ZNF138: variants seen among roughly 807,000 people sequenced by gnomAD.
The protein encoded by ZNF138 is zinc finger protein 138, also known as zinc finger protein 138 (clone pHZ-32).
ZNF138 carries 33 observed loss-of-function variants against 33.0 expected under a neutral mutation model. That is an observed-to-expected ratio of 1.00 (90% CI 0.76 to 1.34). The LOEUF is 1.34. Among genes scored for constraint, ZNF138 ranks in the 40% most tolerant of loss-of-function variants. The pLI is 0.00. For synonymous variants in ZNF138, 139 were observed against 120.4 expected (o/e 1.15, Z -1.01); for missense variants, 360 against 370.8 (o/e 0.97, Z 0.24).
At chr7:64,852,598 C>T in the ZNF138 span, 1 of 1,528,838 alleles carries the variant, frequency 6.5e-7, no homozygotes, top group Non-Finnish European at 9.1e-7. Context: ...GTAAACAGAT[C>T]AGAAGCCCGC....
chr7:64,807,320 G>A (rs1014173458), intron 1 of ZNF138, among the ~76,000 whole-genome samples: 8 of 152,122 alleles, frequency 5.3e-5, no homozygotes, highest in African/African-American at 1.9e-4. Context: ...AGCTGGTCTG[G>A]GCACTCTGTC....
At chr7:64,810,496 C>T (rs73142736) in intron 1 of ZNF138, among the ~76,000 whole-genome samples, 6,999 of 150,096 alleles carry the variant, frequency 0.047, 229 homozygotes, top group Middle Eastern at 0.14. Context: ...TTTCTTATGC[C>T]TTGCTAAGAA....
In ZNF138 at chr7:64,831,584, G is replaced by C. The variant is rs1790083984; in HGVS notation, c.342G>C (p.Val114=). The change falls in exon 4 of 4, where the codon GTG becomes GTC. Residue 114 remains valine, a synonymous_variant. Transcript: ENST00000307355. ...NLQLRKGCKS[V]DECKGHQGGF... ...AGTTAAGAAAAGGCTGTAAAAGTGT[G>C]GATGAGTGTAAGGGACACCAAGGAG... 1 of 1,613,572 alleles carries C rather than the reference G, an allele frequency of 6.2e-7. No individual in the cohort carries two copies. The highest frequency in any genetic ancestry group is 2.2e-5 in the East Asian group (1 of 44,852).
chr7:64,844,767 A>G, the ZNF138 span, among the ~76,000 whole-genome samples: 1 of 151,594 alleles, frequency 6.6e-6, no homozygotes, highest in South Asian at 2.1e-4. Flanking sequence ...GCTCACTGCA[A>G]CCTCTGCCTC....
chr7:64,810,194 G>A lies in ZNF138; in HGVS notation c.4-4724G>A, dbSNP rs898429111. 1.1e-4 allele frequency among the ~76,000 whole-genome samples: 16 copies of A among 146,880 alleles called. No individual in the cohort carries two copies. In the South Asian group the frequency reaches 3.2e-3, roughly 29 times the overall value. On this transcript the variant is annotated intron_variant, in intron 1 of 3. Coordinates refer to ENST00000307355, the MANE Select transcript of ZNF138 (RefSeq NM_001271639.2). ...TTGAGCACTGAGTGAACGAGACTCC[G>A]TCTGCAATCCCGGCACCTTGGGAGG...
intron 3 of ZNF138, among the ~76,000 whole-genome samples, chr7:64,827,722 T>C (rs1249730490): frequency 6.6e-6 from 1 of 152,192 alleles, no homozygotes; most frequent in African/African-American, 2.4e-5. Context: ...TTTTTTTCAA[T>C]ATTCTTCTAA....
the ZNF138 span, among the ~76,000 whole-genome samples, chr7:64,844,830 G>GT: frequency 1.3e-5 from 2 of 152,084 alleles, no homozygotes; most frequent in East Asian, 3.9e-4. Flanking sequence ...GAGATTACAG[G>GT]TGCAAGCCAC....
intron 1 of ZNF138, among the ~76,000 whole-genome samples, chr7:64,797,154 G>A (rs1418145738): frequency 6.6e-6 from 1 of 152,108 alleles, no homozygotes; most frequent in Admixed American, 6.5e-5. Context: ...CCTTTTTCAG[G>A]GTACATTTCA....
chr7:64,795,510 T>C (rs1233705205), intron 1 of ZNF138, among the ~76,000 whole-genome samples: 1 of 152,236 alleles, frequency 6.6e-6, no homozygotes, highest in African/African-American at 2.4e-5. Context: ...ATTCACATTA[T>C]CAACTATTTG....
At chr7:64,850,463 C>A in the ZNF138 span, among the ~76,000 whole-genome samples, 6 of 152,012 alleles carry the variant, frequency 3.9e-5, no homozygotes, top group Non-Finnish European at 7.3e-5. Context: ...GCCTCCTGTT[C>A]GCTATTTTTT....
At chr7:64,838,050 A>G (rs1790412670), downstream of ZNF138, among the ~76,000 whole-genome samples, 3 of 152,244 alleles carry the variant, frequency 2.0e-5, no homozygotes, top group South Asian at 6.2e-4. Context: ...AAAAGATGGC[A>G]AAACAGAGTA....
the ZNF138 span, among the ~76,000 whole-genome samples, chr7:64,848,704 ATTT>A: frequency 3.1e-3 from 319 of 102,614 alleles, 1 homozygote; most frequent in African/African-American, 0.01. Context: ...ATTTTGGTGG[ATTT>A]TTTTTTTTTT....
intron 3 of ZNF138, among the ~76,000 whole-genome samples, chr7:64,823,904 C>T (rs1246086479): frequency 6.6e-6 from 1 of 152,166 alleles, no homozygotes; most frequent in Non-Finnish European, 1.5e-5. Context: ...TGCCACTGCA[C>T]TCCAGCCTGG....
intron 3 of ZNF138, among the ~76,000 whole-genome samples, chr7:64,829,348 A>G (rs1179162897): frequency 2.0e-5 from 3 of 151,626 alleles, no homozygotes; most frequent in African/African-American, 4.8e-5. Flanking sequence ...TTCTTTCAAT[A>G]TGTACTTTAC....
intron 1 of ZNF138, among the ~76,000 whole-genome samples, chr7:64,808,975 T>A (rs111938245): frequency 0.018 from 2,503 of 136,968 alleles, 57 homozygotes; most frequent in African/African-American, 0.062. Flanking sequence ...AAGTCTCCCA[T>A]GTCTACTTCT....
chr7:64,814,432 T>G (rs1245554550), intron 1 of ZNF138, among the ~76,000 whole-genome samples: 1 of 152,210 alleles, frequency 6.6e-6, no homozygotes, highest in Non-Finnish European at 1.5e-5. Flanking sequence ...CCACTTTCTT[T>G]TCTCAGGGCA....
At chr7:64,847,390 C>T in the ZNF138 span, among the ~76,000 whole-genome samples, 1 of 144,910 alleles carries the variant, frequency 6.9e-6, no homozygotes, top group African/African-American at 2.6e-5. Flanking sequence ...AACTGTTAAG[C>T]CCGTTTGTTC....
chr7:64,804,024 A>G (rs1787370818), intron 1 of ZNF138, among the ~76,000 whole-genome samples: 1 of 152,194 alleles, frequency 6.6e-6, no homozygotes, highest in African/African-American at 2.4e-5. Context: ...AATATATTCC[A>G]CTATATTAAC....
At chr7:64,802,898 G>C (rs73142721) in intron 1 of ZNF138, among the ~76,000 whole-genome samples, 9 of 150,788 alleles carry the variant, frequency 6.0e-5, no homozygotes, top group Admixed American at 1.3e-4. Flanking sequence ...CCCCTGCCTC[G>C]TTTTGTCTTG....
Sources: allele counts gnomAD v4.1 joint callset (sites outside exome capture counted in the v4.1 genomes callset), GRCh38; gene constraint gnomAD v4.1.1; transcripts MANE v1.5; gene names NCBI Gene and HGNC (gene_info 2026-07-23, HGNC 2026-07-21).